Variants in DYSF observed in about 807,000 individuals in gnomAD.
DYSF encodes the protein dystrophy-associated fer-1-like 1.
DYSF carries 212 observed loss-of-function variants against 274.9 expected under a neutral mutation model. That is an observed-to-expected ratio of 0.77 (90% CI 0.69 to 0.86). The LOEUF (loss-of-function observed/expected upper bound fraction) is 0.86, where lower values mean the gene tolerates loss of function less well. Among genes scored for constraint, DYSF ranks in the 40% least tolerant of loss-of-function variants. The probability of loss-of-function intolerance (pLI) is 0.00; values close to 1 mark genes in which losing one functional copy is unlikely to be tolerated. For missense variants in DYSF, 2,666 were observed against 2,783.2 expected, an observed-to-expected ratio of 0.96 and a Z score of 0.95; for synonymous variants, 1,091 against 1,078.7, an observed-to-expected ratio of 1.01 and a Z score of -0.22.
rs555038097 is a variant in DYSF, at chr2:71,543,252, C to T, written c.1576+4013C>T. ...CGCGGCCGGGCAGAGGCGCTCCTCA[C>T]ATCCCAGACGGGGCGGCAGGGCAGA... On this transcript the variant is annotated intron_variant, in intron 17 of 55. Coordinates refer to ENST00000410020, the MANE Select transcript of DYSF (RefSeq NM_001130987.2). 4.0e-4 allele frequency among the ~76,000 whole-genome samples: 59 copies of T among 148,876 alleles called. 1 individual carries two copies. In the East Asian group the frequency reaches 0.01, roughly 26 times the overall value.
At chr2:71,479,133 G>T (rs139153894) in intron 1 of DYSF, among the ~76,000 whole-genome samples, 39 of 93,840 alleles carry the variant, frequency 4.2e-4, no homozygotes, top group African/African-American at 1.1e-3. Flanking sequence ...TCTTGCACAG[G>T]TTGGGTGGAA....
intron 1 of DYSF, among the ~76,000 whole-genome samples, chr2:71,455,919 C>G (rs1178791940): frequency 6.6e-6 from 1 of 152,168 alleles, no homozygotes; most frequent in Non-Finnish European, 1.5e-5. Flanking sequence ...GTCCCTCACC[C>G]AGGCTAGGCT....
chr2:71,602,662 G>A lies in DYSF; in HGVS notation c.3928-114G>A, dbSNP rs1468068011. On this transcript the variant is annotated intron_variant, in intron 35 of 55. Transcript: ENST00000410020. ...TGGCTCCTCTTAGTGGTGGCATCTG[G>A]CATGCTGACCTCTGGCCCCGCCTAG... 17 of 1,106,540 alleles carry A rather than the reference G, an allele frequency of 1.5e-5. No individual in the cohort carries two copies. In the Admixed American group the frequency reaches 3.0e-4, roughly 20 times the overall value. The allele number at this position is 1,106,540 out of a possible 1,614,324, so 68.5% of individuals were successfully genotyped here.
chr2:71,571,429 CACACACAGA>C lies in DYSF; in HGVS notation c.3228+689_3228+697del, dbSNP rs1559189886. 4.1e-3 allele frequency among the ~76,000 whole-genome samples: 380 copies of C among 93,252 alleles called. 3 individuals are homozygous for C. Among genetic ancestry groups the C allele is most frequent in the Non-Finnish European group, 5.5e-3 (229 of 41,342 alleles). The allele number at this position is 93,252 out of a possible 152,430, so 61.2% of individuals were successfully genotyped here. ...CCCAGCACACACAGATCACAGTCAG[CACACACAGA>C]TCACACCCAGCACACACACAGATCA... On this transcript the variant is annotated intron_variant, in intron 29 of 55. Transcript: ENST00000410020.
At chr2:71,660,473 C>A (rs1352604750) in intron 44 of DYSF, 87 bp from the exon 45 acceptor site, 1 of 1,155,950 alleles carries the variant, frequency 8.7e-7, no homozygotes, top group Non-Finnish European at 1.3e-6. Flanking sequence ...GCTGCTCCCT[C>A]ATCCCATCCA....
chr2:71,668,666 G>A, intron 48 of DYSF, 88 bp from the exon 49 acceptor site: 1 of 1,292,346 alleles, frequency 7.7e-7, no homozygotes, highest in Non-Finnish European at 1.1e-6. Context: ...TCTCTGTTCT[G>A]TGCCCTCAGC....
At chr2:71,627,462 A>G (rs2094228136) in intron 41 of DYSF, among the ~76,000 whole-genome samples, 1 of 152,032 alleles carries the variant, frequency 6.6e-6, no homozygotes, top group South Asian at 2.1e-4. Flanking sequence ...TCTGTGTGTA[A>G]CGATATAATA....
rs773795577 is a variant in DYSF at position 71,667,368 on chromosome 2, T to C, written c.5318-8T>C. On this transcript the variant is annotated splice_polypyrimidine_tract_variant and splice_region_variant and intron_variant, in intron 47 of 55. Coordinates refer to ENST00000410020, the MANE Select transcript of DYSF (RefSeq NM_001130987.2). ...TCCTGCAACTTTTTTGTCTTCTCTC[T>C]GGGGCAGAGGCTGGCAGGATCCCAA... 2 of 1,614,046 alleles carry C rather than the reference T, an allele frequency of 1.2e-6. No homozygotes were observed. The highest frequency in any genetic ancestry group is 3.3e-5 in the Admixed American group (2 of 60,026).
At position 71,481,925 on chromosome 2, in the gene DYSF, A is replaced by G. The variant is rs2082945367; in HGVS notation, c.194A>G (p.Glu65Gly). 1 of 1,613,986 alleles carries G rather than the reference A, an allele frequency of 6.2e-7. No homozygotes were observed. The highest frequency in any genetic ancestry group is 1.7e-5 in the Admixed American group (1 of 60,000). ...LKGIPLDQGSELHVVVKDHET... is the reference protein window; with the variant it reads ...LKGIPLDQGSGLHVVVKDHET... Reference sequence around the variant, plus strand: ...GGCATCCCCCTGGACCAGGGCTCTGAGCTTCATGTGGTGGTCAAAGACCAT... The same window carrying G: ...GGCATCCCCCTGGACCAGGGCTCTGGGCTTCATGTGGTGGTCAAAGACCAT... The change falls in exon 3 of 56, where the codon GAG becomes GGG. Residue 65 changes from glutamate (E) to glycine (G), a missense_variant. Glu to Gly is a moderately conservative substitution (Grantham distance 98, BLOSUM62 -2). Transcript: ENST00000410020.
chr2:71,512,144 G>A (rs1447238204), intron 5 of DYSF, among the ~76,000 whole-genome samples: 1 of 152,256 alleles, frequency 6.6e-6, no homozygotes, highest in Non-Finnish European at 1.5e-5. Flanking sequence ...CCCTTGGGCG[G>A]TGCAGGGAGT....
At chr2:71,583,208 G>A (rs1028557403) in intron 30 of DYSF, among the ~76,000 whole-genome samples, 4 of 152,138 alleles carry the variant, frequency 2.6e-5, no homozygotes, top group Non-Finnish European at 5.9e-5. Context: ...AATATAATCT[G>A]CTCTCGTGAA....
intron 3 of DYSF, among the ~76,000 whole-genome samples, chr2:71,502,516 G>A (rs1242338733): frequency 6.6e-6 from 1 of 152,120 alleles, no homozygotes. Context: ...TATATGGTGA[G>A]CCCACTTCAT....
At chr2:71,538,579 G>C (rs1330506987) in intron 16 of DYSF, among the ~76,000 whole-genome samples, 1 of 152,224 alleles carries the variant, frequency 6.6e-6, no homozygotes, top group Non-Finnish European at 1.5e-5. Flanking sequence ...TAATAAAAGT[G>C]CTTGTTTCTC....
chr2:71,478,567 C>T (rs2082605544), intron 1 of DYSF, among the ~76,000 whole-genome samples: 1 of 152,124 alleles, frequency 6.6e-6, no homozygotes, highest in South Asian at 2.1e-4. Context: ...GTTTGAACTG[C>T]TGCCCCAAAG....
At chr2:71,559,009 C>T (rs569237368) in intron 22 of DYSF, among the ~76,000 whole-genome samples, 22 of 152,288 alleles carry the variant, frequency 1.4e-4, no homozygotes, top group Non-Finnish European at 2.9e-4. Flanking sequence ...CACAGCAGCT[C>T]ACCCTTTCTC....
At chr2:71,576,353 G>C (rs2092698236) in intron 30 of DYSF, 1 of 152,460 alleles carries the variant, frequency 6.6e-6, no homozygotes, top group Non-Finnish European at 1.5e-5. Flanking sequence ...CTAGGCTTTA[G>C]GACCATCAGT....
chr2:71,589,485 G>GGCAGC, intron 30 of DYSF, 108 bp from the exon 31 acceptor site: 1 of 875,018 alleles, frequency 1.1e-6, no homozygotes, highest in Non-Finnish European at 2.0e-6. Flanking sequence ...TTCAGCTTTC[G>GGCAGC]GCAGCGGAGA....
intron 22 of DYSF, among the ~76,000 whole-genome samples, chr2:71,559,542 C>G (rs1215200365): frequency 6.6e-6 from 1 of 152,220 alleles, no homozygotes; most frequent in Non-Finnish European, 1.5e-5. Flanking sequence ...TCCCCACCAC[C>G]TGCCTCACGG....
At chr2:71,564,301 G>A in intron 24 of DYSF, 88 bp downstream of exon 24, 1 of 1,560,698 alleles carries the variant, frequency 6.4e-7, no homozygotes, top group Non-Finnish European at 8.8e-7. Context: ...TCCTGTTCTT[G>A]ACCTATCTTA....
Sources: allele counts gnomAD v4.1 joint callset (sites outside exome capture counted in the v4.1 genomes callset), GRCh38; gene constraint gnomAD v4.1.1; transcripts MANE v1.5; gene names NCBI Gene and HGNC (gene_info 2026-07-23, HGNC 2026-07-21).